The following MPPED2 variants were observed in gnomAD, a reference collection of about 807,000 sequenced individuals.
The protein encoded by MPPED2 is metallophosphoesterase domain containing 2.
In MPPED2, 5 loss-of-function variants were observed where a neutral mutation model predicts 33.0. That is an observed-to-expected ratio of 0.15 (90% CI 0.08 to 0.32). The LOEUF is 0.32. Among genes scored for constraint, MPPED2 ranks in the 10% least tolerant of loss-of-function variants. MPPED2 has a pLI of 1.00. For synonymous variants in MPPED2, 136 were observed against 141.9 expected, an observed-to-expected ratio of 0.96 and a Z score of 0.29; for missense variants, 275 against 372.1, an observed-to-expected ratio of 0.74 and a Z score of 2.15.
At chr11:30,406,065 A>G (rs923817729), downstream of MPPED2, among the ~76,000 whole-genome samples, 2 of 152,196 alleles carry the variant, frequency 1.3e-5, no homozygotes, top group African/African-American at 4.8e-5. Flanking sequence ...GAAAAGGTAG[A>G]AACTGAGCAC....
intron 4 of MPPED2, among the ~76,000 whole-genome samples, chr11:30,441,586 C>T (rs966913031): frequency 1.3e-5 from 2 of 152,170 alleles, no homozygotes; most frequent in African/African-American, 4.8e-5. Flanking sequence ...CCCCCTATTC[C>T]AGGAGCCTGG....
intron 3 of MPPED2, among the ~76,000 whole-genome samples, chr11:30,521,107 G>T (rs964742160): frequency 2.6e-5 from 4 of 152,192 alleles, no homozygotes; most frequent in African/African-American, 9.7e-5. Flanking sequence ...TAGGAGGAAT[G>T]CTAGAATAGT....
chr11:30,517,135 A>G (rs1953577383), intron 3 of MPPED2, among the ~76,000 whole-genome samples: 1 of 152,182 alleles, frequency 6.6e-6, no homozygotes, highest in South Asian at 2.1e-4. Context: ...AACATTATGC[A>G]TTATACTAAA....
At chr11:30,479,773 G>A (rs959338571) in intron 4 of MPPED2, among the ~76,000 whole-genome samples, 2 of 152,036 alleles carry the variant, frequency 1.3e-5, no homozygotes, top group Admixed American at 1.3e-4. Flanking sequence ...CACTGAAACA[G>A]CCATAAGAAC....
At chr11:30,459,521 A>G (rs1007713728) in intron 4 of MPPED2, among the ~76,000 whole-genome samples, 1 of 152,218 alleles carries the variant, frequency 6.6e-6, no homozygotes, top group African/African-American at 2.4e-5. Context: ...CAAATGTTCA[A>G]GACTTCACAA....
intron 3 of MPPED2, among the ~76,000 whole-genome samples, chr11:30,532,872 G>A (rs1333620296): frequency 6.6e-6 from 1 of 152,196 alleles, no homozygotes; most frequent in Admixed American, 6.5e-5. Flanking sequence ...AGATTAACCA[G>A]GGATCATCAT....
chr11:30,533,936 G>C (rs529957151), intron 3 of MPPED2, among the ~76,000 whole-genome samples: 1 of 151,982 alleles, frequency 6.6e-6, no homozygotes, highest in African/African-American at 2.4e-5. Context: ...AATTCCTCTG[G>C]CCTCTTCTTT....
intron 4 of MPPED2, among the ~76,000 whole-genome samples, chr11:30,452,881 T>C (rs968955115): frequency 6.6e-6 from 1 of 151,456 alleles, no homozygotes; most frequent in Admixed American, 6.6e-5. Context: ...AAGAGGGATC[T>C]GGGAAAAAAA....
At chr11:30,417,772 C>T in intron 4 of MPPED2, 139 bp from the exon 5 acceptor site, 2 of 604,910 alleles carry the variant, frequency 3.3e-6, no homozygotes, top group South Asian at 4.0e-5. Flanking sequence ...CAGCAGGATG[C>T]TTTTTTGTTG....
At chr11:30,522,167 G>C (rs1179625949) in intron 3 of MPPED2, among the ~76,000 whole-genome samples, 2 of 149,490 alleles carry the variant, frequency 1.3e-5, no homozygotes, top group African/African-American at 4.9e-5. Flanking sequence ...GCCTGGAATA[G>C]AAAAAAAAAT....
intron 4 of MPPED2, among the ~76,000 whole-genome samples, chr11:30,455,194 T>A (rs561411993): frequency 6.6e-6 from 1 of 152,224 alleles, no homozygotes; most frequent in African/African-American, 2.4e-5. Flanking sequence ...ATTGCTGCAA[T>A]GACAGGTGAG....
At chr11:30,415,001 C>T (rs186670056) in intron 5 of MPPED2, among the ~76,000 whole-genome samples, 2 of 152,164 alleles carry the variant, frequency 1.3e-5, no homozygotes, top group Non-Finnish European at 2.9e-5. Flanking sequence ...TAAAAACTGA[C>T]ATCAATTATA....
rs149173394 is a variant in MPPED2, at chr11:30,488,785, C to T, written c.536+6511G>A. On this transcript the variant is annotated intron_variant, in intron 4 of 6. Transcript: ENST00000358117. ...TTCATAATGGGAGAGTCTATGGGCC[C>T]TGTGCCAAGAAAAATGAAATGTTAC... is the stretch of plus-strand genomic sequence containing the variant. Among the ~76,000 whole-genome samples, 218 of 152,240 alleles carry T rather than the reference C, an allele frequency of 1.4e-3. 2 individuals are homozygous for T. The highest frequency in any genetic ancestry group is 5.0e-3 in the African/African-American group (207 of 41,536).
At chr11:30,516,622 T>C (rs1953548341) in intron 3 of MPPED2, among the ~76,000 whole-genome samples, 1 of 152,150 alleles carries the variant, frequency 6.6e-6, no homozygotes, top group Non-Finnish European at 1.5e-5. Flanking sequence ...GTAATTGCCA[T>C]CAGATGTGGG....
chr11:30,552,972 C>T (rs1185456921), intron 2 of MPPED2, among the ~76,000 whole-genome samples: 1 of 152,170 alleles, frequency 6.6e-6, no homozygotes, highest in East Asian at 1.9e-4. Context: ...TTCTGGTCAA[C>T]AATTACAGCA....
intron 3 of MPPED2, among the ~76,000 whole-genome samples, chr11:30,503,180 G>T (rs774481757): frequency 5.3e-5 from 8 of 152,068 alleles, no homozygotes; most frequent in Middle Eastern, 3.2e-3. Context: ...TTTATAAGGG[G>T]CTTTACCTCC....
intron 2 of MPPED2, among the ~76,000 whole-genome samples, chr11:30,553,907 T>A (rs2134650347): frequency 6.6e-6 from 1 of 152,332 alleles, no homozygotes; most frequent in East Asian, 1.9e-4. Flanking sequence ...CATATTGCAC[T>A]GACAATTTAT....
chr11:30,408,366 A>G (rs2133719889), downstream of MPPED2, among the ~76,000 whole-genome samples: 2 of 152,158 alleles, frequency 1.3e-5, no homozygotes, highest in African/African-American at 4.8e-5. Context: ...CTGGAGTGCA[A>G]TGGCACTCTC....
At chr11:30,496,127 T>C (rs1473661442) in intron 3 of MPPED2, among the ~76,000 whole-genome samples, 1 of 152,190 alleles carries the variant, frequency 6.6e-6, no homozygotes, top group Non-Finnish European at 1.5e-5. Flanking sequence ...TTTCCTCCTA[T>C]TGGGATGGGA....
Sources: allele counts gnomAD v4.1 joint callset (sites outside exome capture counted in the v4.1 genomes callset), GRCh38; gene constraint gnomAD v4.1.1; transcripts MANE v1.5; gene names NCBI Gene and HGNC (gene_info 2026-07-23, HGNC 2026-07-21).